LRRFIP2: variants seen among roughly 807,000 people sequenced by gnomAD.
LRRFIP2 encodes leucine-rich repeat flightless-interacting protein 2.
LRRFIP2 carries 109 observed loss-of-function variants against 125.9 expected under a neutral mutation model. That is an observed-to-expected ratio of 0.87 (90% CI 0.74 to 1.01). LRRFIP2 has a LOEUF of 1.01. Among genes scored for constraint, LRRFIP2 ranks in the 50% least tolerant of loss-of-function variants. LRRFIP2 has a pLI of 0.00. For synonymous variants in LRRFIP2, 291 were observed against 293.1 expected (o/e 0.99, Z 0.07); for missense variants, 850 against 862.3 (o/e 0.99, Z 0.18).
In LRRFIP2 at chr3:37,111,043, C is replaced by T; in HGVS notation, c.461G>A (p.Arg154Lys). The T allele has an allele frequency of 6.2e-7, 1 of 1,613,722 alleles. No homozygotes were observed. The highest frequency in any genetic ancestry group is 1.7e-5 in the Admixed American group (1 of 60,004). ...GCTATGTCTAAGACTGCTATAGTTTCTCTGGTCAAAGTAGAGGCCACTCTG... is the reference window on the plus strand; with the variant it reads ...GCTATGTCTAAGACTGCTATAGTTTTTCTGGTCAAAGTAGAGGCCACTCTG... ...DLLSGLYFDQ[R>K]NYSSLRHSKP... Residue 154 changes from arginine to lysine, a missense_variant, in exon 9 of 28, where the codon AGA becomes AAA. Transcript: ENST00000336686.
intron 2 of LRRFIP2, among the ~76,000 whole-genome samples, chr3:37,132,537 T>C (rs2095453747): frequency 1.3e-5 from 2 of 152,188 alleles, no homozygotes; most frequent in South Asian, 4.1e-4. Flanking sequence ...AACTCAGATG[T>C]TACCTCCCTT....
At chr3:37,156,155 G>T (rs536857230) in intron 1 of LRRFIP2, among the ~76,000 whole-genome samples, 1 of 152,060 alleles carries the variant, frequency 6.6e-6, no homozygotes, top group African/African-American at 2.4e-5. Flanking sequence ...GATTACAGAC[G>T]AAAGCCACCA....
chr3:37,155,666 G>A (rs1164565575), intron 1 of LRRFIP2, among the ~76,000 whole-genome samples: 1 of 152,104 alleles, frequency 6.6e-6, no homozygotes, highest in Non-Finnish European at 1.5e-5. Flanking sequence ...TTTGCATATT[G>A]TTCTATGTAA....
At chr3:37,142,901 T>C (rs1176949975) in intron 2 of LRRFIP2, among the ~76,000 whole-genome samples, 2 of 152,160 alleles carry the variant, frequency 1.3e-5, no homozygotes, top group Non-Finnish European at 2.9e-5. Context: ...CTTCCAAATA[T>C]CATGTTGAGA....
At chr3:37,105,968 G>A (rs1009758446) in intron 13 of LRRFIP2, among the ~76,000 whole-genome samples, 5 of 152,120 alleles carry the variant, frequency 3.3e-5, no homozygotes, top group African/African-American at 9.7e-5. Flanking sequence ...GGGAGGCCGA[G>A]GCAGGAGAAT....
intron 6 of LRRFIP2, among the ~76,000 whole-genome samples, chr3:37,116,330 T>A (rs2094784599): frequency 6.6e-6 from 1 of 151,680 alleles, no homozygotes; most frequent in Non-Finnish European, 1.5e-5. Flanking sequence ...GGAGATGGGG[T>A]CTTGCTATGT....
At chr3:37,127,784 T>C in intron 3 of LRRFIP2, 104 bp from the exon 4 acceptor site, 1 of 850,820 alleles carries the variant, frequency 1.2e-6, no homozygotes, top group Non-Finnish European at 1.9e-6. Flanking sequence ...CAATGATAGC[T>C]GACTCAAAGT....
intron 20 of LRRFIP2, 71 bp downstream of exon 20, chr3:37,074,952 TC>T (rs2091813941): frequency 2.0e-6 from 2 of 991,614 alleles, no homozygotes. Context: ...TCTCCTTCCC[TC>T]CCAACACATC....
chr3:37,139,922 T>C (rs1349037435), intron 2 of LRRFIP2, among the ~76,000 whole-genome samples: 8 of 152,198 alleles, frequency 5.3e-5, no homozygotes, highest in African/African-American at 1.7e-4. Context: ...TGGCTTCTGC[T>C]CATATCACCT....
chr3:37,137,224 T>C (rs1221733910), intron 2 of LRRFIP2, among the ~76,000 whole-genome samples: 1 of 152,124 alleles, frequency 6.6e-6, no homozygotes, highest in Non-Finnish European at 1.5e-5. Context: ...GCAATCTGCA[T>C]GCCTCGGCCT....
Position 37,111,008 on chromosome 3 carries a change from A to T in LRRFIP2, c.496T>A (p.Ser166Thr). The change falls in exon 9 of 28, where the codon TCT becomes ACT. Residue 166 changes from serine (S) to threonine (T), a missense_variant. Physicochemically the swap from Ser to Thr is moderately conservative, Grantham distance 58 (BLOSUM62 1). Transcript: ENST00000336686. The part of the protein sequence containing the change: ...YSSLRHSKPT[S>T]AYYTRQSSSL... Reference sequence around the variant, plus strand: ...AGACAAACCCGAGTGTAGTAGGCAGAGGTGGGTTTGCTATGTCTAAGACTG... The same window carrying T: ...AGACAAACCCGAGTGTAGTAGGCAGTGGTGGGTTTGCTATGTCTAAGACTG... 6.8e-6 allele frequency: 11 copies of T among 1,613,836 alleles called. No individual in the cohort carries two copies. The highest frequency in any genetic ancestry group is 7.6e-6 in the Non-Finnish European group (9 of 1,179,846).
At chr3:37,118,667 G>C (rs2094896560) in intron 6 of LRRFIP2, among the ~76,000 whole-genome samples, 1 of 152,104 alleles carries the variant, frequency 6.6e-6, no homozygotes, top group African/African-American at 2.4e-5. Context: ...CTTTCAAAAA[G>C]ATAGTATATG....
At chr3:37,160,317 A>C (rs560333347) in intron 1 of LRRFIP2, among the ~76,000 whole-genome samples, 1 of 152,180 alleles carries the variant, frequency 6.6e-6, no homozygotes, top group South Asian at 2.1e-4. Context: ...GACCAACCCC[A>C]CCTACTTTCA....
chr3:37,140,569 C>A (rs2095669231), intron 2 of LRRFIP2: 1 of 150,242 alleles, frequency 6.7e-6, no homozygotes, highest in Non-Finnish European at 1.5e-5. Context: ...CCCGTCTCTA[C>A]TAAAAACAAA....
chr3:37,123,997 C>G (rs2095174308), intron 4 of LRRFIP2, among the ~76,000 whole-genome samples: 1 of 152,172 alleles, frequency 6.6e-6, no homozygotes, highest in African/African-American at 2.4e-5. Context: ...AAAAAGACTT[C>G]TGAAAACTAC....
intron 14 of LRRFIP2, 66 bp downstream of exon 14, chr3:37,105,389 T>G: frequency 7.8e-7 from 1 of 1,288,430 alleles, no homozygotes; most frequent in Non-Finnish European, 1.1e-6. Context: ...CCAACAGACT[T>G]CATGTGATCA....
At chr3:37,176,294 G>A (rs2096661761), upstream of LRRFIP2, 2 of 152,306 alleles carry the variant, frequency 1.3e-5, no homozygotes, top group Non-Finnish European at 1.5e-5. Context: ...ACCGGCCCCG[G>A]GAGGAGCCGC....
chr3:37,158,073 A>G (rs1460210417), intron 1 of LRRFIP2, among the ~76,000 whole-genome samples: 1 of 152,194 alleles, frequency 6.6e-6, no homozygotes, highest in Non-Finnish European at 1.5e-5. Flanking sequence ...TTAATGGGCT[A>G]TATGTTGGAC....
chr3:37,126,764 C>T (rs1341454397), intron 4 of LRRFIP2, among the ~76,000 whole-genome samples: 2 of 151,462 alleles, frequency 1.3e-5, no homozygotes, highest in Non-Finnish European at 2.9e-5. Flanking sequence ...GATGCTGAGG[C>T]AGGAGAATCG....
Sources: gnomAD v4.1 joint callset for allele counts (sites outside exome capture counted in the v4.1 genomes callset) on GRCh38, gnomAD v4.1.1 for gene constraint, MANE v1.5 for transcripts, NCBI Gene and HGNC (gene_info 2026-07-23, HGNC 2026-07-21) for gene names.